The following TNS2 variants were observed in gnomAD, a reference collection of about 807,000 sequenced individuals.
TNS2 encodes the protein tensin-2.
A neutral mutation model predicts 155.7 loss-of-function variants in TNS2; 77 were observed. The ratio of observed to expected loss-of-function variants is 0.49; its 90% confidence interval spans 0.41 to 0.60. The LOEUF is 0.60. TNS2 is among the 20% of genes least tolerant of loss of function. The probability of loss-of-function intolerance (pLI) is 0.00; values close to 1 mark genes in which losing one functional copy is unlikely to be tolerated. For synonymous variants in TNS2, 726 were observed against 763.9 expected, an observed-to-expected ratio of 0.95 and a Z score of 0.82; for missense variants, 1,703 against 1,868.8, an observed-to-expected ratio of 0.91 and a Z score of 1.64.
Position 53,055,603 on chromosome 12 carries a change from A to T in TNS2, c.609A>T (p.Pro203=), listed in dbSNP as rs1320777578. The change falls in exon 9 of 29, where the codon CCA becomes CCT. Residue 203 remains proline, a synonymous_variant. Coordinates refer to ENST00000314250, the MANE Select transcript of TNS2 (RefSeq NM_170754.4). Reference sequence around the variant, plus strand: ...TCGGCTGGCCTGAGCTGCATGCTCCACCCCTGGACAAGCTGTGCTCCATCT... The same window carrying T: ...TCGGCTGGCCTGAGCTGCATGCTCCTCCCCTGGACAAGCTGTGCTCCATCT... ...QDFGWPELHA[P]PLDKLCSICK... 7 of 1,612,204 alleles carry T rather than the reference A, an allele frequency of 4.3e-6. No homozygotes were observed. The highest frequency in any genetic ancestry group is 5.9e-6 in the Non-Finnish European group (7 of 1,178,606).
intron 10 of TNS2, 46 bp from the exon 11 acceptor site, chr12:53,056,967 A>G (rs1481498679): frequency 3.2e-6 from 5 of 1,570,136 alleles, no homozygotes; most frequent in Non-Finnish European, 4.4e-6. Context: ...GGAGGCCAGG[A>G]TGAAGATTAA....
At chr12:53,056,936 A>AT in intron 10 of TNS2, 77 bp from the exon 11 acceptor site, 3 of 1,378,912 alleles carry the variant, frequency 2.2e-6, no homozygotes, top group Non-Finnish European at 3.0e-6. Context: ...TTTCTCCTCC[A>AT]TCCCCTGGGG....
At position 53,055,708 on chromosome 12, in the gene TNS2, G is replaced by C. The variant is rs756401154; in HGVS notation, c.696+18G>C. On this transcript the variant is annotated intron_variant, in intron 9 of 28. Coordinates refer to ENST00000314250, the MANE Select transcript of TNS2 (RefSeq NM_170754.4). Reference sequence around the variant, plus strand: ...ACTGCAAGGTGGGCCAGGACCTCGGGTTCCCTGGTGCCTGGAGGTTCCAGG... The same window carrying C: ...ACTGCAAGGTGGGCCAGGACCTCGGCTTCCCTGGTGCCTGGAGGTTCCAGG... 5.0e-6 allele frequency: 8 copies of C among 1,614,090 alleles called. No individual in the cohort carries two copies. The highest frequency in any genetic ancestry group is 6.8e-6 in the Non-Finnish European group (8 of 1,180,048).
chr12:53,064,105 A>G lies in TNS2; in HGVS notation c.*223A>G, dbSNP rs1015162325. 25 of 564,336 alleles carry G rather than the reference A, an allele frequency of 4.4e-5. No individual in the cohort carries two copies. Among genetic ancestry groups the G allele is most frequent in the Admixed American group, 9.6e-5 (3 of 31,170 alleles). 35.0% of individuals were successfully genotyped at this position (564,336 alleles called of 1,614,324 possible). A position where few individuals can be genotyped will look rare whatever the true frequency, so the allele number is the denominator to read the frequency against. ...ATGACCTTGCATGTGAGCAGATGGC[A>G]GAGATGGGTGTGTGAGGGGTGAGGA... On this transcript the variant is annotated 3_prime_UTR_variant, in exon 29 of 29. Transcript: ENST00000314250.
In TNS2 at chr12:53,060,436, C is replaced by G; in HGVS notation, c.2649C>G (p.Gly883=). The G allele has an allele frequency of 6.2e-7, 1 of 1,613,400 alleles. No individual in the cohort carries two copies. Among genetic ancestry groups the G allele is most frequent in the South Asian group, 1.1e-5 (1 of 91,072 alleles). The change falls in exon 19 of 29, where the codon GGC becomes GGG. Residue 883 remains glycine, a synonymous_variant. Coordinates refer to ENST00000314250, the MANE Select transcript of TNS2 (RefSeq NM_170754.4). The surrounding 1 kb of genome is among the most constrained non-coding windows in gnomAD (Gnocchi z 6.1). ...ESLEPVSWRE[G]PSGHSTLPRS... is the part of the protein sequence containing the mutation. ...TGGAGCCGGTGTCCTGGAGGGAGGG[C>G]CCCAGTGGGCACAGCACACTGCCTC...
rs752892410 is a variant in TNS2 at position 53,058,828 on chromosome 12, G to C, written c.1405+1G>C. 4 of 1,613,138 alleles carry C rather than the reference G, an allele frequency of 2.5e-6. No individual in the cohort carries two copies. The East Asian group carries it at 8.9e-5, about 36-fold the overall frequency. Reference sequence around the variant, plus strand: ...CAGCACCACGAGGACAGTGTGGATGGTGCGCAGGCAGCCTGCAGGGTGGGA... The same window carrying C: ...CAGCACCACGAGGACAGTGTGGATGCTGCGCAGGCAGCCTGCAGGGTGGGA... On this transcript the variant is annotated splice_donor_variant, in intron 17 of 28. Transcript: ENST00000314250. LOFTEE classifies it high-confidence loss of function.
rs1286132332 is a variant in TNS2 at position 53,058,588 on chromosome 12, C to G, written c.1242C>G (p.Phe414Leu). The change falls in exon 16 of 29, where the codon TTC becomes TTG. Residue 414 changes from phenylalanine (F) to leucine (L), a missense_variant. Coordinates refer to ENST00000314250, the MANE Select transcript of TNS2 (RefSeq NM_170754.4). Reference protein sequence around the residue: ...DEAWTDERFPFQASVEFVFSS... With the variant: ...DEAWTDERFPLQASVEFVFSS... ...TCCCCATAGATGAGAGGTTCCCCTT[C>G]CAAGCCTCCGTGGAGTTTGTCTTCT... 1 of 1,614,130 alleles carries G rather than the reference C, an allele frequency of 6.2e-7. No individual in the cohort carries two copies. Among genetic ancestry groups the G allele is most frequent in the Non-Finnish European group, 8.5e-7 (1 of 1,180,000 alleles).
chr12:53,060,619 G>A lies in TNS2; in HGVS notation c.2769-56G>A, dbSNP rs1592256328. On this transcript the variant is annotated intron_variant, in intron 19 of 28. Coordinates refer to ENST00000314250, the MANE Select transcript of TNS2 (RefSeq NM_170754.4). The surrounding 1 kb of genome is among the most constrained non-coding windows in gnomAD (Gnocchi z 6.1). ...TCCAAGCAGTTGATGAAGGCAGGTG[G>A]GGTGGGAGCAGCCACAATGGGGGCT... The A allele has an allele frequency of 6.3e-7, 1 of 1,593,202 alleles. No homozygotes were observed.
Position 53,055,844 on chromosome 12 carries a change from G to C in TNS2, c.760G>C (p.Gly254Arg). ...CATGCACTACAGCAAGATCTCTGCA[G>C]GGTGAGGCTCCCAGCGCCTGAGTAG... ...AYMHYSKISA[G>R]ADQALATLTM... Residue 254 changes from glycine to arginine, a missense_variant and splice_region_variant, in exon 10 of 29, where the codon GGG becomes CGG. Coordinates refer to ENST00000314250, the MANE Select transcript of TNS2 (RefSeq NM_170754.4). 2 of 1,611,226 alleles carry C rather than the reference G, an allele frequency of 1.2e-6. No individual in the cohort carries two copies. The highest frequency in any genetic ancestry group is 1.7e-6 in the Non-Finnish European group (2 of 1,177,820).
Position 53,060,485 on chromosome 12 carries a change from A to C in TNS2, c.2698A>C (p.Ser900Arg). 2 of 1,613,828 alleles carry C rather than the reference A, an allele frequency of 1.2e-6. No homozygotes were observed. Among genetic ancestry groups the C allele is most frequent in the Non-Finnish European group, 1.7e-6 (2 of 1,179,968 alleles). The change falls in exon 19 of 29, where the codon AGT becomes CGT. Residue 900 changes from serine (S) to arginine (R), a missense_variant. By Grantham distance (110) the Ser-to-Arg change is moderately radical. Transcript: ENST00000314250. This position sits in a 1 kb window ranked among gnomAD's most constrained non-coding sequence, Gnocchi z 6.1. ...TCGGTCTCCCCGAGATGCCCCATGC[A>C]GTGCTTCGTCAGAGTTGTCTGGTCC... ...LPRSPRDAPC[S>R]ASSELSGPST... is the part of the protein sequence containing the mutation.
chr12:53,057,238 C>T, intron 11 of TNS2, 142 bp downstream of exon 11: 1 of 899,570 alleles, frequency 1.1e-6, no homozygotes, highest in Non-Finnish European at 1.7e-6. Flanking sequence ...GTGGACAAAG[C>T]CCCTGCTCTC....
rs200228943 is a variant in TNS2, at chr12:53,050,198, G to A, written c.13G>A (p.Gly5Ser). The A allele has an allele frequency of 6.3e-5, 102 of 1,611,184 alleles. No individual in the cohort carries two copies. The highest frequency in any genetic ancestry group is 4.0e-4 in the African/African-American group (30 of 75,004). MKSS[G>S]PVERLLRALG... is the part of the protein sequence containing the mutation. ...CCAGCCGAACACCATGAAGTCCAGC[G>A]GCCCTGTGGAGAGGCTGCTCAGAGC... Residue 5 changes from glycine to serine, a missense_variant, in exon 1 of 29, where the codon GGC (glycine) becomes AGC (serine). Physicochemically the swap from Gly to Ser is moderately conservative, Grantham distance 56 (BLOSUM62 0). Coordinates refer to ENST00000314250, the MANE Select transcript of TNS2 (RefSeq NM_170754.4). This position sits in a 1 kb window ranked among gnomAD's most constrained non-coding sequence, Gnocchi z 4.7.
At chr12:53,047,256 A>C (rs1420542474), upstream of TNS2, among the ~76,000 whole-genome samples, 1 of 136,038 alleles carries the variant, frequency 7.4e-6, no homozygotes, top group African/African-American at 2.7e-5. Flanking sequence ...CGCCACTGCC[A>C]CCGCCTCCTC....
Position 53,060,697 on chromosome 12 carries a change from T to TC in TNS2, c.2796dup (p.Thr933HisfsTer27). On this transcript the variant is annotated frameshift_variant, in exon 20 of 29. Coordinates refer to ENST00000314250, the MANE Select transcript of TNS2 (RefSeq NM_170754.4). LOFTEE classifies it high-confidence loss of function. The surrounding 1 kb of genome is among the most constrained non-coding windows in gnomAD (Gnocchi z 6.1). ...CAGCACCCGGCGACAGGACACCAGG[T>TC]CCCCCACCTCAGCGCCCACTCAGAG... is the stretch of plus-strand genomic sequence containing the variant. The TC allele has an allele frequency of 6.3e-7, 1 of 1,583,340 alleles. No individual in the cohort carries two copies. Among genetic ancestry groups the TC allele is most frequent in the Non-Finnish European group, 8.6e-7 (1 of 1,160,468 alleles).
Position 53,059,069 on chromosome 12 carries a change from TC to T in TNS2, c.1432del (p.Leu478TrpfsTer42). 6.5e-7 allele frequency: 1 copy of T among 1,533,110 alleles called. No individual in the cohort carries two copies. 95.0% of individuals were successfully genotyped at this position (1,533,110 alleles called of 1,614,324 possible). On this transcript the variant is annotated frameshift_variant, in exon 18 of 29. Coordinates refer to ENST00000314250, the MANE Select transcript of TNS2 (RefSeq NM_170754.4). LOFTEE classifies it high-confidence loss of function. The surrounding 1 kb of genome is among the most constrained non-coding windows in gnomAD (Gnocchi z 4.7). ...CAGGCTCCTTGACCCACACCCGGGG[TC>T]CCCTGGATGGCAGTCCTTATGCCCA... ...VDGSLTHTRG[P>X]LDGSPYAQVQ...
At chr12:53,049,274 G>C (rs545414067), upstream of TNS2, 19 of 1,590,986 alleles carry the variant, frequency 1.2e-5, no homozygotes, top group Non-Finnish European at 1.3e-5. Flanking sequence ...CGGGGTTGCC[G>C]CGGGGGGAGG....
Position 53,059,431 on chromosome 12 carries a change from G to A in TNS2, c.1790G>A (p.Gly597Asp), listed in dbSNP as rs1944292679. Residue 597 changes from glycine (G) to aspartate (D), a missense_variant, in exon 18 of 29, where the codon GGC (glycine) becomes GAC (aspartate). Physicochemically the swap from Gly to Asp is moderately conservative, Grantham distance 94. Transcript: ENST00000314250. This position sits in a 1 kb window ranked among gnomAD's most constrained non-coding sequence, Gnocchi z 4.7. ...AGCCGCCACTGCTCCTGCCGCCAGG[G>A]CTACCGGGAGCCCTGCGGGGTTCCC... is the stretch of plus-strand genomic sequence containing the variant. Reference protein sequence around the residue: ...GLSRHCSCRQGYREPCGVPNG... With the variant: ...GLSRHCSCRQDYREPCGVPNG... The A allele has an allele frequency of 3.4e-6, 5 of 1,487,318 alleles. No individual in the cohort carries two copies. Among genetic ancestry groups the A allele is most frequent in the Non-Finnish European group, 4.5e-6 (5 of 1,121,420 alleles). 92.1% of individuals were successfully genotyped at this position (1,487,318 alleles called of 1,614,324 possible). A position where few individuals can be genotyped will look rare whatever the true frequency, so the allele number is the denominator to read the frequency against.
rs1944020098 is a variant in TNS2 at position 53,053,548 on chromosome 12, A to T, written c.261+99A>T. The T allele has an allele frequency of 3.3e-6, 5 of 1,503,062 alleles. No individual in the cohort carries two copies. The African/African-American group carries it at 6.9e-5, about 21-fold the overall frequency. 93.1% of individuals were successfully genotyped at this position (1,503,062 alleles called of 1,614,324 possible). A position where few individuals can be genotyped will look rare whatever the true frequency, so the allele number is the denominator to read the frequency against. ...AGAGGGCCCCCAGGAGATGACCTTG[A>T]ACGGAGTGCTGTGGGTATTGCTCAT... is the stretch of plus-strand genomic sequence containing the variant. On this transcript the variant is annotated intron_variant, in intron 4 of 28. Coordinates refer to ENST00000314250, the MANE Select transcript of TNS2 (RefSeq NM_170754.4).
rs1210175573 is a variant in TNS2 at position 53,055,817 on chromosome 12, T to C, written c.733T>C (p.Tyr245His). The change falls in exon 10 of 29, where the codon TAC becomes CAC. Residue 245 changes from tyrosine (Y) to histidine (H), a missense_variant. Transcript: ENST00000314250. Reference protein sequence around the residue: ...KGKLGVIVSAYMHYSKISAGA... With the variant: ...KGKLGVIVSAHMHYSKISAGA... ...CAAGCTTGGGGTCATCGTTTCTGCC[T>C]ACATGCACTACAGCAAGATCTCTGC... 1 of 1,613,944 alleles carries C rather than the reference T, an allele frequency of 6.2e-7. No individual in the cohort carries two copies. Among genetic ancestry groups the C allele is most frequent in the East Asian group, 2.2e-5 (1 of 44,890 alleles).
Sources: gnomAD v4.1 joint callset for allele counts (sites outside exome capture counted in the v4.1 genomes callset) on GRCh38, gnomAD v4.1.1 for gene constraint, Gnocchi (gnomAD v3.1) non-coding constraint, MANE v1.5 for transcripts, NCBI Gene and HGNC (gene_info 2026-07-23, HGNC 2026-07-21) for gene names.